The following PADI3 variants were observed in gnomAD, a reference collection of about 807,000 sequenced individuals.
PADI3 encodes the protein protein-arginine deiminase type-3.
A neutral mutation model predicts 71.5 loss-of-function variants in PADI3; 53 were observed. The observed-to-expected ratio is 0.74, with a 90% CI of 0.59 to 0.93. The LOEUF is 0.93. Among genes scored for constraint, PADI3 ranks in the 40% least tolerant of loss-of-function variants. The pLI, the probability that PADI3 is intolerant of heterozygous loss-of-function variation, is 0.00. For synonymous variants in PADI3, 361 were observed against 347.5 expected (o/e 1.04, Z -0.43); for missense variants, 821 against 868.0 (o/e 0.95, Z 0.68).
intron 2 of PADI3, 88 bp from the exon 3 acceptor site, chr1:17,262,045 C>T (rs1244085975): frequency 1.7e-6 from 2 of 1,158,476 alleles, no homozygotes; most frequent in African/African-American, 1.5e-5. Flanking sequence ...TGGGCCCCCT[C>T]CCCTCCTTAC....
Position 17,249,232 on chromosome 1 carries a change from A to C in PADI3, c.92+3A>C. The C allele has an allele frequency of 6.2e-7, 1 of 1,611,878 alleles. No homozygotes were observed. Among genetic ancestry groups the C allele is most frequent in the Non-Finnish European group, 8.5e-7 (1 of 1,178,076 alleles). On this transcript the variant is annotated splice_donor_region_variant and intron_variant, in intron 1 of 15. Transcript: ENST00000375460. ...GAGACCCTCGTGGACATTTATGGGTAAGAGTCAGAGGCCTAGTGGTTTGCA... is the reference window on the plus strand; with the variant it reads ...GAGACCCTCGTGGACATTTATGGGTCAGAGTCAGAGGCCTAGTGGTTTGCA...
chr1:17,257,728 G>C (rs2073045795), intron 1 of PADI3, among the ~76,000 whole-genome samples: 1 of 152,220 alleles, frequency 6.6e-6, no homozygotes, highest in Non-Finnish European at 1.5e-5. Context: ...TTTTGGGGGA[G>C]GTCTGCCTTA....
chr1:17,281,075 G>A lies in PADI3; in HGVS notation c.1761+279G>A, dbSNP rs79724306. ...TGAATGAATGATTGCATGAGGTCAC[G>A]TGTGCAAAGCACATGGCATCAGCTG... On this transcript the variant is annotated intron_variant, in intron 15 of 15. Coordinates refer to ENST00000375460, the MANE Select transcript of PADI3 (RefSeq NM_016233.2). 9.2e-4 allele frequency among the ~76,000 whole-genome samples: 140 copies of A among 152,382 alleles called. 3 individuals carry two copies. In the East Asian group the frequency reaches 0.022, roughly 24 times the overall value.
intron 1 of PADI3, among the ~76,000 whole-genome samples, chr1:17,257,860 T>C (rs554329429): frequency 5.9e-4 from 90 of 152,330 alleles, no homozygotes; most frequent in Admixed American, 2.6e-4. Context: ...ATCCTGGGGC[T>C]GCAGTGAGGA....
At chr1:17,253,791 A>T (rs2072995144) in intron 1 of PADI3, among the ~76,000 whole-genome samples, 1 of 152,024 alleles carries the variant, frequency 6.6e-6, no homozygotes, top group Non-Finnish European at 1.5e-5. Flanking sequence ...TGGAGCCAGG[A>T]CTCCAAGTTT....
intron 3 of PADI3, among the ~76,000 whole-genome samples, chr1:17,262,991 C>G (rs554477590): frequency 6.6e-6 from 1 of 152,054 alleles, no homozygotes; most frequent in East Asian, 1.9e-4. Flanking sequence ...CTCAGCTCAC[C>G]GCAACCTCCG....
intron 15 of PADI3, among the ~76,000 whole-genome samples, chr1:17,282,104 C>G (rs1368215463): frequency 6.6e-6 from 1 of 152,174 alleles, no homozygotes; most frequent in African/African-American, 2.4e-5. Flanking sequence ...CTTTTCACTC[C>G]CCTTCCTTCC....
In PADI3 at chr1:17,274,725, G is replaced by T; in HGVS notation, c.1246G>T (p.Val416Leu). ...SFGNLEVSPP[V>L]VANGKEYPLG... ...TGGGAACCTGGAGGTCAGCCCTCCA[G>T]TGGTGGCCAATGGGAAAGAGTACCC... Residue 416 changes from valine to leucine, a missense_variant, in exon 11 of 16, where the codon GTG (valine) becomes TTG (leucine). Transcript: ENST00000375460. 6.2e-7 allele frequency: 1 copy of T among 1,613,964 alleles called. No homozygotes were observed. Among genetic ancestry groups the T allele is most frequent in the Non-Finnish European group, 8.5e-7 (1 of 1,179,944 alleles).
intron 1 of PADI3, among the ~76,000 whole-genome samples, chr1:17,250,614 G>A (rs1379066373): frequency 6.6e-6 from 1 of 152,212 alleles, no homozygotes; most frequent in African/African-American, 2.4e-5. Flanking sequence ...TGGTGGGTGG[G>A]CAGTAGGAGG....
intron 1 of PADI3, among the ~76,000 whole-genome samples, chr1:17,253,975 C>T (rs2072996842): frequency 6.6e-6 from 1 of 152,226 alleles, no homozygotes; most frequent in African/African-American, 2.4e-5. Flanking sequence ...AGCTTCCATT[C>T]TGTCAACATC....
At position 17,268,498 on chromosome 1, in the gene PADI3, C is replaced by CTTTTTTTTTTTT. The variant is rs564947321; in HGVS notation, c.652+552_652+563dup. On this transcript the variant is annotated intron_variant, in intron 6 of 15. Coordinates refer to ENST00000375460, the MANE Select transcript of PADI3 (RefSeq NM_016233.2). The stretch of plus-strand genomic sequence containing the variant: ...AAAAATGTATACAAGTAATAAGATG[C>CTTTTTTTTTTTT]TTTTTTTTTTTTTTTTTTTTTTTTT... 1.0e-4 allele frequency among the ~76,000 whole-genome samples: 9 copies of CTTTTTTTTTTTT among 89,446 alleles called. 1 individual carries two copies. The highest frequency in any genetic ancestry group is 4.2e-4 in the African/African-American group (9 of 21,218). The allele number at this position is 89,446 out of a possible 152,430, so 58.7% of individuals were successfully genotyped here. A position where few individuals can be genotyped will look rare whatever the true frequency, so the allele number is the denominator to read the frequency against.
Position 17,276,507 on chromosome 1 carries a change from C to A in PADI3, c.1308-12C>A, listed in dbSNP as rs372325515. 1 of 1,612,772 alleles carries A rather than the reference C, an allele frequency of 6.2e-7. No homozygotes were observed. The highest frequency in any genetic ancestry group is 8.5e-7 in the Non-Finnish European group (1 of 1,179,740). The stretch of plus-strand genomic sequence containing the variant: ...AGTTAAGCAACTTTTTTTTTAACCT[C>A]GTGGGTCCCAGGTCAAGTGGCCGCA... On this transcript the variant is annotated splice_polypyrimidine_tract_variant and intron_variant, in intron 11 of 15. Transcript: ENST00000375460.
rs182169762 is a variant in PADI3, at chr1:17,254,610, C to T, written c.93-4968C>T. On this transcript the variant is annotated intron_variant, in intron 1 of 15. Transcript: ENST00000375460. The stretch of plus-strand genomic sequence containing the variant: ...TTATGTGGCTGTGGGGGATACCTTC[C>T]TCACCAATGCCCCGTCTTCCTCCTC... Among the ~76,000 whole-genome samples the T allele has an allele frequency of 1.1e-3, 164 of 152,206 alleles. 1 individual carries two copies. Among genetic ancestry groups the T allele is most frequent in the East Asian group, 1.4e-3 (7 of 5,176 alleles).
At chr1:17,252,228 GT>G (rs547254174) in intron 1 of PADI3, among the ~76,000 whole-genome samples, 11 of 152,154 alleles carry the variant, frequency 7.2e-5, no homozygotes, top group Non-Finnish European at 1.0e-4. Flanking sequence ...CGGGATGGTG[GT>G]CTGACAAGTG....
intron 13 of PADI3, among the ~76,000 whole-genome samples, chr1:17,279,558 C>G (rs2073375879): frequency 6.6e-6 from 1 of 152,262 alleles, no homozygotes; most frequent in South Asian, 2.1e-4. Flanking sequence ...CCTGTGCGAG[C>G]CCTGGGCTTG....
chr1:17,276,940 C>T (rs1286835086), intron 13 of PADI3, 64 bp downstream of exon 13: 4 of 1,403,292 alleles, frequency 2.9e-6, no homozygotes, highest in Non-Finnish European at 3.9e-6. Flanking sequence ...TAAGACACAT[C>T]ATGGCTTGAG....
intron 11 of PADI3, 27 bp from the exon 12 acceptor site, chr1:17,276,492 C>T (rs536567220): frequency 1.5e-4 from 239 of 1,580,072 alleles, no homozygotes; most frequent in Non-Finnish European, 2.0e-4. Flanking sequence ...AGTTAAGCAA[C>T]TTTTTTTTTA....
chr1:17,273,251 C>A, intron 9 of PADI3, 89 bp from the exon 10 acceptor site: 2 of 940,954 alleles, frequency 2.1e-6, no homozygotes, highest in Non-Finnish European at 1.6e-6. Context: ...ACTTGGTGAG[C>A]AGTCTGCCCC....
intron 15 of PADI3, among the ~76,000 whole-genome samples, chr1:17,281,880 T>C (rs1294145153): frequency 2.0e-5 from 3 of 152,202 alleles, no homozygotes; most frequent in African/African-American, 7.2e-5. Flanking sequence ...ACCCAGGTGG[T>C]GCTGATGCTG....
Sources: allele counts gnomAD v4.1 joint callset (sites outside exome capture counted in the v4.1 genomes callset), GRCh38; gene constraint gnomAD v4.1.1; transcripts MANE v1.5; gene names NCBI Gene and HGNC (gene_info 2026-07-23, HGNC 2026-07-21).